The following ZNF804B variants were observed in gnomAD, a reference collection of about 807,000 sequenced individuals.
ZNF804B encodes zinc finger protein 804B.
A neutral mutation model predicts 101.4 loss-of-function variants in ZNF804B; 80 were observed. The observed-to-expected ratio is 0.79, with a 90% CI of 0.66 to 0.95. The LOEUF is 0.95. ZNF804B is among the 40% of genes least tolerant of loss of function. The pLI is 0.00. For missense variants in ZNF804B, 1,673 were observed against 1,561.9 expected, an observed-to-expected ratio of 1.07 and a Z score of -1.20; for synonymous variants, 622 against 558.8, an observed-to-expected ratio of 1.11 and a Z score of -1.59.
At chr7:89,221,230 C>A (rs1169167751) in intron 2 of ZNF804B, among the ~76,000 whole-genome samples, 1 of 151,890 alleles carries the variant, frequency 6.6e-6, no homozygotes, top group Non-Finnish European at 1.5e-5. Flanking sequence ...AATTCTTTTA[C>A]CCCTGCTACA....
At chr7:89,300,720 G>A (rs1392722201) in intron 2 of ZNF804B, among the ~76,000 whole-genome samples, 1 of 151,908 alleles carries the variant, frequency 6.6e-6, no homozygotes, top group African/African-American at 2.4e-5. Flanking sequence ...TAAATCATGT[G>A]TGATATCACA....
At chr7:89,290,054 G>C (rs1790261818) in intron 2 of ZNF804B, among the ~76,000 whole-genome samples, 1 of 152,146 alleles carries the variant, frequency 6.6e-6, no homozygotes, top group African/African-American at 2.4e-5. Flanking sequence ...GGTCAGGATT[G>C]TGAGGCCACC....
chr7:89,133,647 C>T (rs535709144), intron 1 of ZNF804B, among the ~76,000 whole-genome samples: 1 of 152,174 alleles, frequency 6.6e-6, no homozygotes, highest in African/African-American at 2.4e-5. Flanking sequence ...TCCTGGAAGA[C>T]AGTGATTGCT....
chr7:88,954,256 A>G (rs971214224), intron 1 of ZNF804B, among the ~76,000 whole-genome samples: 27 of 151,728 alleles, frequency 1.8e-4, no homozygotes, highest in Admixed American at 3.9e-4. Context: ...AGAGAAAACT[A>G]ATTTGTCTGT....
At chr7:89,071,781 TACACACAC>T (rs36061852) in intron 1 of ZNF804B, among the ~76,000 whole-genome samples, 3 of 147,728 alleles carry the variant, frequency 2.0e-5, no homozygotes, top group Non-Finnish European at 3.0e-5. Flanking sequence ...CACACAAATG[TACACACAC>T]ACACACACAC....
intron 1 of ZNF804B, among the ~76,000 whole-genome samples, chr7:88,968,346 A>C (rs1584044708): frequency 2.0e-5 from 3 of 151,580 alleles, no homozygotes; most frequent in Non-Finnish European, 4.4e-5. Context: ...GAAAACCCTG[A>C]TTCATCATCT....
intron 1 of ZNF804B, among the ~76,000 whole-genome samples, chr7:89,045,728 C>G (rs1285916679): frequency 1.3e-5 from 2 of 152,186 alleles, no homozygotes; most frequent in Admixed American, 6.5e-5. Flanking sequence ...TACCCAATCC[C>G]TGTACCCCCA....
chr7:89,279,337 C>T (rs1321146972), intron 2 of ZNF804B, among the ~76,000 whole-genome samples: 5 of 151,446 alleles, frequency 3.3e-5, no homozygotes, highest in Admixed American at 1.3e-4. Flanking sequence ...ATTGAATACC[C>T]TTTATTTCCT....
At chr7:88,995,343 T>C (rs547531227) in intron 1 of ZNF804B, among the ~76,000 whole-genome samples, 2 of 152,182 alleles carry the variant, frequency 1.3e-5, no homozygotes, top group East Asian at 3.9e-4. Flanking sequence ...TAGCAGAGCA[T>C]ATAATAGATA....
At chr7:89,015,461 T>G (rs1171020583) in intron 1 of ZNF804B, among the ~76,000 whole-genome samples, 1 of 152,086 alleles carries the variant, frequency 6.6e-6, no homozygotes, top group Non-Finnish European at 1.5e-5. Flanking sequence ...GCATTAGGTA[T>G]ATCTCTTAAA....
chr7:88,966,383 A>C (rs1189904508), intron 1 of ZNF804B, among the ~76,000 whole-genome samples: 1 of 151,558 alleles, frequency 6.6e-6, no homozygotes, highest in Non-Finnish European at 1.5e-5. Flanking sequence ...ATAACTGTAC[A>C]TCTGAACCAC....
At chr7:89,068,251 T>G (rs1228539603) in intron 1 of ZNF804B, among the ~76,000 whole-genome samples, 1 of 151,574 alleles carries the variant, frequency 6.6e-6, no homozygotes, top group Admixed American at 6.6e-5. Context: ...GTTGTAGCAA[T>G]ATATTCCCGT....
rs1465538502 is a variant in ZNF804B at position 89,337,084 on chromosome 7, A to G, written c.*52A>G. On this transcript the variant is annotated 3_prime_UTR_variant, in exon 4 of 4. Transcript: ENST00000333190. Reference sequence around the variant, plus strand: ...AATTTTTTTAATTGTCACTACCTATAAAATCATACATTTAAAGAAGTCTGT... The same window carrying G: ...AATTTTTTTAATTGTCACTACCTATGAAATCATACATTTAAAGAAGTCTGT... 6.7e-7 allele frequency: 1 copy of G among 1,494,836 alleles called. No individual in the cohort carries two copies. The highest frequency in any genetic ancestry group is 2.3e-5 in the East Asian group (1 of 43,486). 92.6% of individuals were successfully genotyped at this position (1,494,836 alleles called of 1,614,324 possible). A position where few individuals can be genotyped will look rare whatever the true frequency, so the allele number is the denominator to read the frequency against.
chr7:89,327,300 A>G, intron 2 of ZNF804B, 44 bp from the exon 3 acceptor site: 1 of 1,529,506 alleles, frequency 6.5e-7, no homozygotes, highest in Non-Finnish European at 8.8e-7. Flanking sequence ...AAAAGAATAT[A>G]TTATTTATTT....
chr7:89,253,656 T>C (rs1299286925), intron 2 of ZNF804B, among the ~76,000 whole-genome samples: 1 of 151,982 alleles, frequency 6.6e-6, no homozygotes, highest in East Asian at 1.9e-4. Flanking sequence ...GTAATTCTAA[T>C]ATTACACAAA....
intron 1 of ZNF804B, among the ~76,000 whole-genome samples, chr7:89,048,622 GTAATT>G (rs1461438857): frequency 6.6e-6 from 1 of 151,784 alleles, no homozygotes; most frequent in Non-Finnish European, 1.5e-5. Flanking sequence ...CCTTAATTAG[GTAATT>G]TAATTAGAAA....
intron 1 of ZNF804B, among the ~76,000 whole-genome samples, chr7:88,888,146 G>A (rs944324226): frequency 1.3e-5 from 2 of 151,974 alleles, no homozygotes; most frequent in Non-Finnish European, 2.9e-5. Context: ...TAATCCCAGC[G>A]CTTTGGGTGG....
intron 1 of ZNF804B, among the ~76,000 whole-genome samples, chr7:88,901,836 TTA>T: frequency 1.3e-5 from 2 of 152,008 alleles, no homozygotes; most frequent in South Asian, 4.1e-4. Context: ...TAATGAGCAC[TTA>T]GAGATATGTT....
At chr7:88,884,214 T>C (rs923981290) in intron 1 of ZNF804B, among the ~76,000 whole-genome samples, 1 of 151,830 alleles carries the variant, frequency 6.6e-6, no homozygotes, top group African/African-American at 2.4e-5. Flanking sequence ...ATAAATGTTA[T>C]TAATGCAGAG....
Sources: allele counts gnomAD v4.1 joint callset (sites outside exome capture counted in the v4.1 genomes callset), GRCh38; gene constraint gnomAD v4.1.1; transcripts MANE v1.5; gene names NCBI Gene and HGNC (gene_info 2026-07-23, HGNC 2026-07-21).